The following MED28 variants were observed in gnomAD, a reference collection of about 807,000 sequenced individuals.
MED28 encodes mediator of RNA polymerase II transcription subunit 28.
A neutral mutation model predicts 21.3 loss-of-function variants in MED28; 26 were observed. The ratio of observed to expected loss-of-function variants is 1.22; its 90% CI spans 0.89 to 1.69. The LOEUF is 1.69. Ranked by LOEUF, MED28 falls within the 40% of genes most tolerant of loss-of-function variation. The pLI is 0.00. For synonymous variants in MED28, 110 were observed against 87.6 expected (o/e 1.26, Z -1.43); for missense variants, 257 against 215.4 (o/e 1.19, Z -1.21).
Position 17,631,883 on chromosome 4 carries a change from A to G in MED28, c.*8085A>G, listed in dbSNP as rs1714955156. 6.6e-6 allele frequency: 1 copy of G among 152,206 alleles called. No individual in the cohort carries two copies. The highest frequency in any genetic ancestry group is 1.5e-5 in the Non-Finnish European group (1 of 68,040). 9.4% of individuals were successfully genotyped at this position (152,206 alleles called of 1,614,324 possible). On this transcript the variant is annotated 3_prime_UTR_variant, in exon 4 of 4. Transcript: ENST00000237380. Reference sequence around the variant, plus strand: ...GGAGTTGACTAGCATCCTAAGGACAAGTACAACCACTTTTGAAATAGATCA... The same window carrying G: ...GGAGTTGACTAGCATCCTAAGGACAGGTACAACCACTTTTGAAATAGATCA...
intron 3 of MED28, among the ~76,000 whole-genome samples, chr4:17,622,135 G>C (rs556083635): frequency 4.8e-4 from 73 of 152,274 alleles, no homozygotes; most frequent in African/African-American, 1.6e-3. Context: ...GGATTTCGTT[G>C]ATCTCAGTTG....
chr4:17,615,009 C>T (rs1050478985), intron 1 of MED28, among the ~76,000 whole-genome samples, 196 bp downstream of exon 1: 1 of 152,206 alleles, frequency 6.6e-6, no homozygotes, highest in African/African-American at 2.4e-5. Flanking sequence ...GGCGCGTAAA[C>T]TCGACGTTTG....
Position 17,623,672 on chromosome 4 carries a change from G to A in MED28, c.411G>A (p.Arg137=). The A allele has an allele frequency of 6.2e-7, 1 of 1,614,228 alleles. No homozygotes were observed. Among genetic ancestry groups the A allele is most frequent in the Non-Finnish European group, 8.5e-7 (1 of 1,180,036 alleles). Residue 137 remains arginine, a synonymous_variant, in exon 4 of 4, where the codon AGG becomes AGA. Coordinates refer to ENST00000237380, the MANE Select transcript of MED28 (RefSeq NM_025205.5). ...TCCAGAAGCACTTGACAAAGCTGAGGCATTGGCAGCAGGTGCTGGAGGACA... is the reference window on the plus strand; with the variant it reads ...TCCAGAAGCACTTGACAAAGCTGAGACATTGGCAGCAGGTGCTGGAGGACA... ...ALVQKHLTKL[R]HWQQVLEDIN...
intron 1 of MED28, among the ~76,000 whole-genome samples, chr4:17,617,046 C>T (rs1312661731): frequency 1.3e-5 from 2 of 152,172 alleles, no homozygotes; most frequent in East Asian, 1.9e-4. Context: ...TAGAAGAAAC[C>T]TGGGGTACTG....
intron 1 of MED28, among the ~76,000 whole-genome samples, chr4:17,619,692 G>A (rs555029386): frequency 3.3e-5 from 5 of 152,236 alleles, no homozygotes; most frequent in South Asian, 2.1e-4. Flanking sequence ...GTGCCGGCTC[G>A]TTTGCCTGGC....
chr4:17,628,154 TTAA>T lies in MED28; in HGVS notation c.*4361_*4363del, dbSNP rs1714814880. The T allele has an allele frequency of 6.6e-6, 1 of 152,056 alleles. No individual in the cohort carries two copies. The highest frequency in any genetic ancestry group is 2.4e-5 in the African/African-American group (1 of 41,402). 9.4% of individuals were successfully genotyped at this position (152,056 alleles called of 1,614,324 possible). ...CTCAGGCCATGATAAAATAAACCACTTAATAATTTTGTCTAAGCACGTACAAAG... is the reference window on the plus strand; with the variant it reads ...CTCAGGCCATGATAAAATAAACCACTTAATTTTGTCTAAGCACGTACAAAG... On this transcript the variant is annotated 3_prime_UTR_variant, in exon 4 of 4. Coordinates refer to ENST00000237380, the MANE Select transcript of MED28 (RefSeq NM_025205.5).
chr4:17,616,587 G>C (rs1319841703), intron 1 of MED28, among the ~76,000 whole-genome samples: 2 of 152,204 alleles, frequency 1.3e-5, no homozygotes, highest in African/African-American at 4.8e-5. Context: ...AGCCACACAA[G>C]ACTTTCCCAC....
intron 1 of MED28, among the ~76,000 whole-genome samples, chr4:17,615,210 A>G (rs1714414040): frequency 6.6e-6 from 1 of 152,168 alleles, no homozygotes; most frequent in Admixed American, 6.5e-5. Context: ...TCACCTTTAA[A>G]CGATCCTAAA....
chr4:17,619,759 G>A lies in MED28; in HGVS notation c.160-142G>A, dbSNP rs113086311. 2,433 of 686,398 alleles carry A rather than the reference G, an allele frequency of 3.5e-3. 37 individuals carry two copies. The highest frequency in any genetic ancestry group is 0.024 in the South Asian group (1,377 of 56,384). 42.5% of individuals were successfully genotyped at this position (686,398 alleles called of 1,614,324 possible). On this transcript the variant is annotated intron_variant, in intron 1 of 3. Coordinates refer to ENST00000237380, the MANE Select transcript of MED28 (RefSeq NM_025205.5). Reference sequence around the variant, plus strand: ...CTCAGTTTACCAGATGTTTCCATTGGCATGGTGTCTTGCCATCTCATATGC... The same window carrying A: ...CTCAGTTTACCAGATGTTTCCATTGACATGGTGTCTTGCCATCTCATATGC...
Position 17,633,439 on chromosome 4 carries a change from A to G in MED28, c.*9641A>G, listed in dbSNP as rs1715024256. The G allele has an allele frequency of 2.8e-6, 1 of 358,590 alleles. No individual in the cohort carries two copies. The highest frequency in any genetic ancestry group is 2.1e-5 in the African/African-American group (1 of 47,724). The allele number at this position is 358,590 out of a possible 1,614,324, so 22.2% of individuals were successfully genotyped here. A position where few individuals can be genotyped will look rare whatever the true frequency, so the allele number is the denominator to read the frequency against. On this transcript the variant is annotated 3_prime_UTR_variant, in exon 4 of 4. Coordinates refer to ENST00000237380, the MANE Select transcript of MED28 (RefSeq NM_025205.5). ...TATGGAGACCTGGAGAGGTCAAGTG[A>G]CCTGTCCAAGGCCACAGAGCTAAGA...
At chr4:17,622,567 G>C (rs1483707262) in intron 3 of MED28, among the ~76,000 whole-genome samples, 1 of 152,184 alleles carries the variant, frequency 6.6e-6, no homozygotes, top group African/African-American at 2.4e-5. Flanking sequence ...TAGATCAGTG[G>C]TGTGGATTTT....
Position 17,624,756 on chromosome 4 carries a change from AG to A in MED28, c.*962del, listed in dbSNP as rs1714730085. Reference sequence around the variant, plus strand: ...CTAGAGTGTCGTGGTGGGGGTGGGGAGGGGCTGCAGGGTGATCATTGGCTAC... The same window carrying A: ...CTAGAGTGTCGTGGTGGGGGTGGGGAGGGCTGCAGGGTGATCATTGGCTAC... On this transcript the variant is annotated 3_prime_UTR_variant, in exon 4 of 4. Coordinates refer to ENST00000237380, the MANE Select transcript of MED28 (RefSeq NM_025205.5). The A allele has an allele frequency of 6.6e-6, 1 of 151,402 alleles. No homozygotes were observed. The highest frequency in any genetic ancestry group is 2.4e-5 in the African/African-American group (1 of 41,136). 9.4% of individuals were successfully genotyped at this position (151,402 alleles called of 1,614,324 possible).
rs978776557 is a variant in MED28 at position 17,624,591 on chromosome 4, C to G, written c.*793C>G. 1.3e-5 allele frequency: 2 copies of G among 152,002 alleles called. No individual in the cohort carries two copies. Among genetic ancestry groups the G allele is most frequent in the African/African-American group, 2.4e-5 (1 of 41,352 alleles). The allele number at this position is 152,002 out of a possible 1,614,324, so 9.4% of individuals were successfully genotyped here. On this transcript the variant is annotated 3_prime_UTR_variant, in exon 4 of 4. Transcript: ENST00000237380. ...GCATGACAGTGGGGTCATAGGTGAG[C>G]TGTGAGGGGCTAAATCTTGCTCTGA... is the stretch of plus-strand genomic sequence containing the variant.
At chr4:17,621,538 G>A (rs752709409) in intron 2 of MED28, 49 bp from the exon 3 acceptor site, 115 of 1,234,396 alleles carry the variant, frequency 9.3e-5, no homozygotes, top group Non-Finnish European at 1.3e-4. Flanking sequence ...GGAGATAAAT[G>A]AGTCTGTTGT....
chr4:17,614,814 G>C lies in MED28; in HGVS notation c.159+1G>C, dbSNP rs770496502. 6.2e-7 allele frequency: 1 copy of C among 1,601,882 alleles called. No homozygotes were observed. Among genetic ancestry groups the C allele is most frequent in the South Asian group, 1.1e-5 (1 of 90,252 alleles). On this transcript the variant is annotated splice_donor_variant, in intron 1 of 3. Coordinates refer to ENST00000237380, the MANE Select transcript of MED28 (RefSeq NM_025205.5). LOFTEE classifies it high-confidence loss of function. ...GGACGAGTTGGAGTCATCTTTCGAG[G>C]TAATATAAGACATGGGCGTCTTTGT...
chr4:17,633,598 A>C lies in MED28; in HGVS notation c.*9800A>C, dbSNP rs1715030955. The C allele has an allele frequency of 8.3e-7, 1 of 1,204,728 alleles. No individual in the cohort carries two copies. The highest frequency in any genetic ancestry group is 3.7e-5 in the Admixed American group (1 of 27,358). The allele number at this position is 1,204,728 out of a possible 1,614,324, so 74.6% of individuals were successfully genotyped here. A position where few individuals can be genotyped will look rare whatever the true frequency, so the allele number is the denominator to read the frequency against. On this transcript the variant is annotated 3_prime_UTR_variant, in exon 4 of 4. Transcript: ENST00000237380. ...TCATCCATGAAAAAAGGCCTTCTGG[A>C]ATTTGGTACCAGGTGCTAGAAAGAA...
At position 17,633,542 on chromosome 4, in the gene MED28, T is replaced by C. The variant is rs2108924737; in HGVS notation, c.*9744T>C. On this transcript the variant is annotated 3_prime_UTR_variant, in exon 4 of 4. Coordinates refer to ENST00000237380, the MANE Select transcript of MED28 (RefSeq NM_025205.5). ...TTTTGTATAACCCATGCTGAAGTTTTCAGGTAAGTGATTCAGTGTCCCTTG... is the reference window on the plus strand; with the variant it reads ...TTTTGTATAACCCATGCTGAAGTTTCCAGGTAAGTGATTCAGTGTCCCTTG... 1 of 712,566 alleles carries C rather than the reference T, an allele frequency of 1.4e-6. No individual in the cohort carries two copies. Among genetic ancestry groups the C allele is most frequent in the Admixed American group, 3.6e-5 (1 of 27,846 alleles). The allele number at this position is 712,566 out of a possible 1,614,324, so 44.1% of individuals were successfully genotyped here.
rs758105396 is a variant in MED28 at position 17,633,567 on chromosome 4, G to A, written c.*9769G>A. 39 of 891,610 alleles carry A rather than the reference G, an allele frequency of 4.4e-5. 1 individual carries two copies. Among genetic ancestry groups the A allele is most frequent in the Middle Eastern group, 3.7e-4 (1 of 2,722 alleles). 55.2% of individuals were successfully genotyped at this position (891,610 alleles called of 1,614,324 possible). A position where few individuals can be genotyped will look rare whatever the true frequency, so the allele number is the denominator to read the frequency against. On this transcript the variant is annotated 3_prime_UTR_variant, in exon 4 of 4. Transcript: ENST00000237380. ...TCAGGTAAGTGATTCAGTGTCCCTT[G>A]TCTAATCATCCATGAAAAAAGGCCT...
intron 2 of MED28, 190 bp downstream of exon 2, chr4:17,620,157 C>A: frequency 1.7e-6 from 1 of 589,692 alleles, no homozygotes. Context: ...TCACCCATAA[C>A]GAATCATTTA....
Sources: gnomAD v4.1 joint callset for allele counts (sites outside exome capture counted in the v4.1 genomes callset) on GRCh38, gnomAD v4.1.1 for gene constraint, MANE v1.5 for transcripts, NCBI Gene and HGNC (gene_info 2026-07-23, HGNC 2026-07-21) for gene names.